MAP4K3: variants seen among roughly 807,000 people sequenced by gnomAD.
The protein encoded by MAP4K3 is mitogen-activated protein kinase kinase kinase kinase 3.
A neutral mutation model predicts 143.5 loss-of-function variants in MAP4K3; 94 were observed. The ratio of observed to expected loss-of-function variants is 0.65; its 90% CI spans 0.55 to 0.78. The LOEUF is 0.78. Among genes scored for constraint, MAP4K3 ranks in the 30% least tolerant of loss-of-function variants. The pLI, the probability that MAP4K3 is intolerant of heterozygous loss-of-function variation, is 0.00. For synonymous variants in MAP4K3, 416 were observed against 347.2 expected, an observed-to-expected ratio of 1.20 and a Z score of -2.20; for missense variants, 1,077 against 1,068.1, an observed-to-expected ratio of 1.01 and a Z score of -0.12.
intron 14 of MAP4K3, among the ~76,000 whole-genome samples, chr2:39,308,690 A>G (rs1473785709): frequency 6.6e-6 from 1 of 152,182 alleles, no homozygotes; most frequent in East Asian, 1.9e-4. Flanking sequence ...AAATAGATGC[A>G]AAGTATTTTG....
chr2:39,268,929 A>G (rs1366474344), intron 26 of MAP4K3, among the ~76,000 whole-genome samples: 2 of 151,988 alleles, frequency 1.3e-5, no homozygotes, highest in East Asian at 3.9e-4. Context: ...TTTTAAAAAA[A>G]TAATTTTTAG....
intron 1 of MAP4K3, among the ~76,000 whole-genome samples, chr2:39,414,655 CACG>C (rs1667321415): frequency 6.6e-6 from 1 of 152,154 alleles, no homozygotes; most frequent in South Asian, 2.1e-4. Context: ...GTGGGCGGAT[CACG>C]ACATCAGGAG....
At chr2:39,352,495 A>G (rs1558661510) in intron 3 of MAP4K3, among the ~76,000 whole-genome samples, 1 of 152,202 alleles carries the variant, frequency 6.6e-6, no homozygotes, top group Non-Finnish European at 1.5e-5. Flanking sequence ...TGTAAAGAAT[A>G]AGTCTATAAT....
rs766743405 is a variant in MAP4K3, at chr2:39,278,445, G to C, written c.1756C>G (p.Leu586Val). The C allele has an allele frequency of 6.3e-7, 1 of 1,599,456 alleles. No individual in the cohort carries two copies. The highest frequency in any genetic ancestry group is 8.5e-7 in the Non-Finnish European group (1 of 1,172,060). The change falls in exon 24 of 34, where the codon CTC becomes GTC. Residue 586 changes from leucine (L) to valine (V), a missense_variant. Leu to Val is a conservative substitution (Grantham distance 32, BLOSUM62 1). Around this residue, in one of 2 missense-constraint regions of MAP4K3, gnomAD observed 864 missense variants for 801.2 expected, o/e 1.08. Transcript: ENST00000263881. ...IFGAEEGIYT[L>V]NLNELHETSM... ...GTTTCATGAAGTTCATTAAGATTGA[G>C]GGTATAAATCCCTTCTTCGGCACCA...
At chr2:39,430,981 C>T (rs1250892167) in intron 1 of MAP4K3, among the ~76,000 whole-genome samples, 1 of 152,118 alleles carries the variant, frequency 6.6e-6, no homozygotes, top group Non-Finnish European at 1.5e-5. Flanking sequence ...TTTATTCATT[C>T]CATAAATATT....
In MAP4K3 at chr2:39,355,754, T is replaced by C. The variant is rs1665594298; in HGVS notation, c.245+495A>G. On this transcript the variant is annotated intron_variant, in intron 3 of 33. Transcript: ENST00000263881. ...AAAGTAAGAGAAAGGAAATTCACAGTCCTAAGTTCACTTTAGGACCTGGAA... is the reference window on the plus strand; with the variant it reads ...AAAGTAAGAGAAAGGAAATTCACAGCCCTAAGTTCACTTTAGGACCTGGAA... Among the ~76,000 whole-genome samples, 2 of 152,038 alleles carry C rather than the reference T, an allele frequency of 1.3e-5. 1 individual carries two copies. Among genetic ancestry groups the C allele is most frequent in the South Asian group, 4.1e-4 (2 of 4,832 alleles).
Position 39,437,106 on chromosome 2 carries a change from C to A in MAP4K3, c.-119G>T, listed in dbSNP as rs1010767564. The A allele has an allele frequency of 3.3e-5, 20 of 612,882 alleles. No individual in the cohort carries two copies. The highest frequency in any genetic ancestry group is 4.8e-5 in the Non-Finnish European group (19 of 392,176). The allele number at this position is 612,882 out of a possible 1,614,324, so 38.0% of individuals were successfully genotyped here. On this transcript the variant is annotated 5_prime_UTR_variant, in exon 1 of 34. Transcript: ENST00000263881. ...GGCTCCCCCGGCGGTCACAATCACC[C>A]GGCTCCACGCTGCGGCCGCCGCCGC...
chr2:39,343,457 A>G lies in MAP4K3; in HGVS notation c.246-5T>C, dbSNP rs1247940981. The G allele has an allele frequency of 1.2e-6, 2 of 1,610,808 alleles. No individual in the cohort carries two copies. Among genetic ancestry groups the G allele is most frequent in the African/African-American group, 1.3e-5 (1 of 74,834 alleles). On this transcript the variant is annotated splice_region_variant and splice_polypyrimidine_tract_variant and intron_variant, in intron 3 of 33. Coordinates refer to ENST00000263881, the MANE Select transcript of MAP4K3 (RefSeq NM_003618.4). ...CAAATCCAAAGCTTATCTCGCCTAT[A>G]AAGAGAAAAGAAGCATGTATCATAT...
chr2:39,250,563 G>A lies in MAP4K3; in HGVS notation c.*55C>T. ...TGTACAGCTTCAAGCATCCATTAAT[G>A]TTGCAGTGGTAGTGTTCTTTCTTTC... On this transcript the variant is annotated 3_prime_UTR_variant, in exon 34 of 34. Coordinates refer to ENST00000263881, the MANE Select transcript of MAP4K3 (RefSeq NM_003618.4). 2 of 1,467,792 alleles carry A rather than the reference G, an allele frequency of 1.4e-6. No homozygotes were observed. Among genetic ancestry groups the A allele is most frequent in the South Asian group, 1.2e-5 (1 of 86,386 alleles). 90.9% of individuals were successfully genotyped at this position (1,467,792 alleles called of 1,614,324 possible). A position where few individuals can be genotyped will look rare whatever the true frequency, so the allele number is the denominator to read the frequency against.
intron 2 of MAP4K3, among the ~76,000 whole-genome samples, chr2:39,374,664 A>C (rs188637829): frequency 6.6e-6 from 1 of 152,174 alleles, no homozygotes; most frequent in African/African-American, 2.4e-5. Flanking sequence ...CCTGGGCAAC[A>C]GAGCAAGACT....
intron 2 of MAP4K3, among the ~76,000 whole-genome samples, chr2:39,374,241 G>A (rs1457257771): frequency 6.6e-6 from 1 of 152,132 alleles, no homozygotes; most frequent in Non-Finnish European, 1.5e-5. Context: ...AATTAGCCAG[G>A]CATGGTGGTG....
At position 39,337,530 on chromosome 2, in the gene MAP4K3, A is replaced by T; in HGVS notation, c.362T>A (p.Leu121Gln). The change falls in exon 5 of 34, where the codon CTG becomes CAG. Residue 121 changes from leucine to glutamine, a missense_variant. Transcript: ENST00000263881. ...LQIAYVSRET[L>Q]QGLYYLHSKG... ...TTGAATTAGCACTTGATTTACCTGCAGTGTTTCTCTGCTAACATATGCAAT... is the reference window on the plus strand; with the variant it reads ...TTGAATTAGCACTTGATTTACCTGCTGTGTTTCTCTGCTAACATATGCAAT... 6.2e-7 allele frequency: 1 copy of T among 1,610,386 alleles called. No individual in the cohort carries two copies. The highest frequency in any genetic ancestry group is 8.5e-7 in the Non-Finnish European group (1 of 1,177,146).
chr2:39,349,294 A>C (rs1209481977), intron 3 of MAP4K3, among the ~76,000 whole-genome samples: 2 of 152,230 alleles, frequency 1.3e-5, no homozygotes, highest in Non-Finnish European at 2.9e-5. Context: ...ACTAATAAGG[A>C]AAAATAATTG....
intron 3 of MAP4K3, among the ~76,000 whole-genome samples, chr2:39,347,786 A>G (rs1245662477): frequency 2.0e-5 from 3 of 152,072 alleles, no homozygotes; most frequent in African/African-American, 7.2e-5. Context: ...GATCAGGCAT[A>G]TATTCTTACT....
At chr2:39,404,617 C>CTTTTTTTTTTT (rs1174319224) in intron 1 of MAP4K3, among the ~76,000 whole-genome samples, 21 of 86,130 alleles carry the variant, frequency 2.4e-4, no homozygotes, top group East Asian at 2.8e-4. Flanking sequence ...TTCTTTCTTT[C>CTTTTTTTTTTT]TTTTTTTTTT....
intron 1 of MAP4K3, among the ~76,000 whole-genome samples, chr2:39,391,908 C>A (rs1237263297): frequency 6.6e-6 from 1 of 152,024 alleles, no homozygotes; most frequent in African/African-American, 2.4e-5. Flanking sequence ...ATGGGCCAGG[C>A]GCGGTGGCTC....
intron 1 of MAP4K3, among the ~76,000 whole-genome samples, chr2:39,383,002 C>T (rs1666393009): frequency 6.6e-6 from 1 of 152,176 alleles, no homozygotes; most frequent in African/African-American, 2.4e-5. Context: ...AAAACACAGA[C>T]TATTTTGAGT....
At chr2:39,339,848 G>C (rs1665091048) in intron 4 of MAP4K3, among the ~76,000 whole-genome samples, 1 of 151,874 alleles carries the variant, frequency 6.6e-6, no homozygotes, top group African/African-American at 2.4e-5. Flanking sequence ...ACTCTGGAAG[G>C]ACACATCTTC....
intron 1 of MAP4K3, among the ~76,000 whole-genome samples, chr2:39,426,313 G>C (rs968960385): frequency 1.3e-5 from 2 of 152,174 alleles, no homozygotes; most frequent in African/African-American, 4.8e-5. Flanking sequence ...AGACTGAAGA[G>C]TCTTAGAAAC....
Sources: allele counts gnomAD v4.1 joint callset (sites outside exome capture counted in the v4.1 genomes callset), GRCh38; gene constraint gnomAD v4.1.1; regional missense constraint gnomAD v4.1.1; transcripts MANE v1.5; gene names NCBI Gene and HGNC (gene_info 2026-07-23, HGNC 2026-07-21).